CDH20: variants seen among roughly 807,000 people sequenced by gnomAD.
CDH20 encodes the protein cadherin 20.
Under a neutral mutation model 74.2 loss-of-function variants are expected in CDH20, and 29 were observed. The observed-to-expected ratio is 0.39, with a 90% CI of 0.29 to 0.53. The LOEUF (loss-of-function observed/expected upper bound fraction) is 0.53. CDH20 is among the 20% of genes least tolerant of loss of function. The pLI is 0.69. For missense variants in CDH20, 988 were observed against 1,048.3 expected, an observed-to-expected ratio of 0.94 and a Z score of 0.79; for synonymous variants, 469 against 405.4, an observed-to-expected ratio of 1.16 and a Z score of -1.88.
Position 61,544,897 on chromosome 18 carries a change from T to C in CDH20, c.1531-130T>C, listed in dbSNP as rs1913179979. ...TCTACCCAGCATTTCCCTGCCCCTC[T>C]CCCATACCAATGATATCCTTCTCAT... is the stretch of plus-strand genomic sequence containing the variant. On this transcript the variant is annotated intron_variant, in intron 9 of 11. Transcript: ENST00000262717. 8 of 678,414 alleles carry C rather than the reference T, an allele frequency of 1.2e-5. No individual in the cohort carries two copies. In the East Asian group the frequency reaches 2.1e-4, roughly 18 times the overall value. The allele number at this position is 678,414 out of a possible 1,614,324, so 42.0% of individuals were successfully genotyped here.
At chr18:61,496,144 TC>T in intron 2 of CDH20, among the ~76,000 whole-genome samples, 1 of 16,214 alleles carries the variant, frequency 6.2e-5, no homozygotes. Context: ...TCCCTTCCTC[TC>T]CTCCTCTCTC....
At chr18:61,368,998 G>A (rs771374546) in intron 1 of CDH20, among the ~76,000 whole-genome samples, 3 of 151,828 alleles carry the variant, frequency 2.0e-5, no homozygotes, top group African/African-American at 4.8e-5. Flanking sequence ...ATATTTTACC[G>A]AAAATAAGTC....
intron 7 of CDH20, among the ~76,000 whole-genome samples, chr18:61,533,012 G>A (rs1462611584): frequency 1.3e-5 from 2 of 152,248 alleles, no homozygotes; most frequent in East Asian, 1.9e-4. Flanking sequence ...TAGTTGCAGT[G>A]GCTTATGCCT....
intron 1 of CDH20, among the ~76,000 whole-genome samples, chr18:61,488,564 A>G (rs1009953948): frequency 3.4e-4 from 51 of 152,200 alleles, no homozygotes; most frequent in African/African-American, 1.2e-3. Flanking sequence ...TCATACAACT[A>G]AATAAGTCAG....
chr18:61,350,370 A>G (rs2144110687), intron 1 of CDH20, among the ~76,000 whole-genome samples: 1 of 152,042 alleles, frequency 6.6e-6, no homozygotes, highest in East Asian at 1.9e-4. Context: ...ATGGGACTGC[A>G]CTCCCTTTAA....
intron 7 of CDH20, 60 bp from the exon 8 acceptor site, chr18:61,536,432 GT>G (rs1320213079): frequency 7.1e-7 from 1 of 1,408,006 alleles, no homozygotes. Context: ...GTTGTCTCAT[GT>G]GGTATGCTGT....
At chr18:61,382,305 T>C (rs1911458508) in intron 1 of CDH20, among the ~76,000 whole-genome samples, 1 of 152,234 alleles carries the variant, frequency 6.6e-6, no homozygotes, top group South Asian at 2.1e-4. Flanking sequence ...ATAAGAAAGA[T>C]TACTTAAATT....
chr18:61,553,450 C>CT (rs2144417243), intron 11 of CDH20, among the ~76,000 whole-genome samples: 1 of 152,296 alleles, frequency 6.6e-6, no homozygotes, highest in African/African-American at 2.4e-5. Flanking sequence ...AAGGGCACAT[C>CT]TAACAGTGTG....
chr18:61,533,267 A>G (rs1912711684), intron 7 of CDH20, among the ~76,000 whole-genome samples: 1 of 152,290 alleles, frequency 6.6e-6, no homozygotes, highest in Admixed American at 6.5e-5. Context: ...TGGTCATGCC[A>G]CTGCACCACT....
At chr18:61,354,941 T>C (rs548789114) in intron 1 of CDH20, among the ~76,000 whole-genome samples, 1 of 152,310 alleles carries the variant, frequency 6.6e-6, no homozygotes, top group South Asian at 2.1e-4. Flanking sequence ...TGGGTACACT[T>C]CTCAGAGTGA....
chr18:61,409,258 C>G (rs1340491629), intron 1 of CDH20, among the ~76,000 whole-genome samples: 1 of 152,116 alleles, frequency 6.6e-6, no homozygotes, highest in Admixed American at 6.5e-5. Context: ...AAGGGAGGTC[C>G]CCACAGTGCT....
At chr18:61,337,863 G>C (rs1040183046) in intron 1 of CDH20, among the ~76,000 whole-genome samples, 1 of 152,196 alleles carries the variant, frequency 6.6e-6, no homozygotes, top group East Asian at 1.9e-4. Context: ...ACGGAATATA[G>C]AGCAAAGTTG....
In CDH20 at chr18:61,388,982, TC is replaced by T. The variant is rs571103581; in HGVS notation, c.-153+55156del. Among the ~76,000 whole-genome samples, 14 of 152,302 alleles carry T rather than the reference TC, an allele frequency of 9.2e-5. No homozygotes were observed. In the East Asian group the frequency reaches 2.7e-3, roughly 29 times the overall value. ...TAGCACATGCCATCGTTTATGCAAT[TC>T]TTAAAGACCTTAGAGATCATCTTAT... On this transcript the variant is annotated intron_variant, in intron 1 of 11. Coordinates refer to ENST00000262717, the MANE Select transcript of CDH20 (RefSeq NM_031891.4).
At chr18:61,541,792 T>A (rs1913049392) in intron 9 of CDH20, among the ~76,000 whole-genome samples, 1 of 152,186 alleles carries the variant, frequency 6.6e-6, no homozygotes, top group Non-Finnish European at 1.5e-5. Context: ...TCCCTCTTAG[T>A]AAGCAGCCTT....
At chr18:61,525,379 CTG>C (rs1454160521) in intron 6 of CDH20, among the ~76,000 whole-genome samples, 1 of 152,120 alleles carries the variant, frequency 6.6e-6, no homozygotes, top group African/African-American at 2.4e-5. Flanking sequence ...GTGTCCACAA[CTG>C]TGTTACAAAT....
intron 1 of CDH20, among the ~76,000 whole-genome samples, chr18:61,477,582 G>T (rs647535): frequency 0.56 from 84,638 of 151,990 alleles, 24,693 homozygotes; most frequent in African/African-American, 0.74. Context: ...ATAGTATTCC[G>T]ATGCATGAGT....
At chr18:61,500,532 G>A in intron 4 of CDH20, 30 bp downstream of exon 4, 1 of 1,583,798 alleles carries the variant, frequency 6.3e-7, no homozygotes, top group Non-Finnish European at 8.6e-7. Flanking sequence ...AGTCAGAGGT[G>A]TTTATTCCCT....
At chr18:61,495,612 G>A (rs539310833) in intron 2 of CDH20, among the ~76,000 whole-genome samples, 92 of 152,252 alleles carry the variant, frequency 6.0e-4, no homozygotes, top group African/African-American at 1.1e-3. Context: ...AAGCTCCTGC[G>A]GCCCCAGCCC....
chr18:61,530,532 G>C (rs969028821), intron 7 of CDH20, among the ~76,000 whole-genome samples: 1 of 152,088 alleles, frequency 6.6e-6, no homozygotes, highest in African/African-American at 2.4e-5. Context: ...CACATCACCG[G>C]AAGTTAAAAT....
Sources: allele counts gnomAD v4.1 joint callset (sites outside exome capture counted in the v4.1 genomes callset), GRCh38; gene constraint gnomAD v4.1.1; transcripts MANE v1.5; gene names NCBI Gene and HGNC (gene_info 2026-07-23, HGNC 2026-07-21).